The following PARD3B variants were observed in gnomAD, a reference collection of about 807,000 sequenced individuals.
PARD3B encodes the protein par-3 family cell polarity regulator beta, also known as partitioning defective 3 homolog B.
PARD3B carries 103 observed loss-of-function variants against 130.2 expected under a neutral mutation model. That is an observed-to-expected ratio of 0.79 (90% CI 0.67 to 0.93). The LOEUF is 0.93. Among genes scored for constraint, PARD3B ranks in the 40% least tolerant of loss-of-function variants. The pLI is 0.00. For missense variants in PARD3B, 1,609 were observed against 1,499.2 expected (o/e 1.07, Z -1.21); for synonymous variants, 583 against 553.2 (o/e 1.05, Z -0.76).
chr2:204,990,844 G>A (rs554383029), intron 3 of PARD3B, among the ~76,000 whole-genome samples: 1 of 152,040 alleles, frequency 6.6e-6, no homozygotes, highest in Non-Finnish European at 1.5e-5. Flanking sequence ...TCATAATTTT[G>A]TCTGTTTAAA....
At chr2:205,206,744 G>A (rs1028339768) in intron 15 of PARD3B, among the ~76,000 whole-genome samples, 14 of 152,150 alleles carry the variant, frequency 9.2e-5, no homozygotes, top group African/African-American at 3.1e-4. Flanking sequence ...TAATGGGATG[G>A]CTGGGTCAAA....
chr2:204,782,368 A>G (rs1417116429), intron 2 of PARD3B, among the ~76,000 whole-genome samples: 1 of 111,620 alleles, frequency 9.0e-6, no homozygotes, highest in Non-Finnish European at 1.9e-5. Flanking sequence ...TATAATATAT[A>G]CCATCACATA....
At chr2:205,124,263 A>G in intron 8 of PARD3B, 64 bp from the exon 9 acceptor site, 1 of 1,272,618 alleles carries the variant, frequency 7.9e-7, no homozygotes. Context: ...ATCTTACTGT[A>G]AGACTGAATA....
At chr2:205,587,872 C>T (rs2054253460) in intron 22 of PARD3B, among the ~76,000 whole-genome samples, 1 of 152,166 alleles carries the variant, frequency 6.6e-6, no homozygotes, top group Non-Finnish European at 1.5e-5. Context: ...GAGACAGCAA[C>T]AGATACTCTA....
chr2:205,572,340 AC>A lies in PARD3B; in HGVS notation c.3260+18938del, dbSNP rs746700292. 6.6e-6 allele frequency among the ~76,000 whole-genome samples: 1 copy of A among 152,224 alleles called. No homozygotes were observed. The highest frequency in any genetic ancestry group is 6.5e-5 in the Admixed American group (1 of 15,292). ...TAGCACTTTATACAACACGCTAGGG[AC>A]TTTGACTCTACCCAGAAGGCCTCAG... On this transcript the variant is annotated intron_variant, in intron 22 of 22. Transcript: ENST00000406610. This position sits in a 1 kb window ranked among gnomAD's most constrained non-coding sequence, Gnocchi z 4.2.
At chr2:204,884,173 C>G (rs914612395) in intron 2 of PARD3B, among the ~76,000 whole-genome samples, 1 of 152,128 alleles carries the variant, frequency 6.6e-6, no homozygotes, top group African/African-American at 2.4e-5. Flanking sequence ...CCTAGAAAAC[C>G]ATTGTAAATG....
At chr2:205,224,914 A>G (rs1403465110) in intron 15 of PARD3B, among the ~76,000 whole-genome samples, 1 of 152,012 alleles carries the variant, frequency 6.6e-6, no homozygotes, top group Non-Finnish European at 1.5e-5. Flanking sequence ...TTCCATAACC[A>G]TATTTTTTTC....
At chr2:204,867,261 C>T (rs2045462484) in intron 2 of PARD3B, among the ~76,000 whole-genome samples, 1 of 151,826 alleles carries the variant, frequency 6.6e-6, no homozygotes, top group African/African-American at 2.4e-5. Context: ...AGGCATAAAA[C>T]AAAACAAAAC....
intron 2 of PARD3B, among the ~76,000 whole-genome samples, chr2:204,805,973 T>C (rs931638438): frequency 1.3e-5 from 2 of 152,058 alleles, no homozygotes; most frequent in African/African-American, 4.8e-5. Context: ...GAAACATTGA[T>C]GTGAGAAATT....
chr2:204,926,331 C>T (rs1687615270), intron 2 of PARD3B, among the ~76,000 whole-genome samples: 1 of 152,036 alleles, frequency 6.6e-6, no homozygotes, highest in South Asian at 2.1e-4. Context: ...ATCTTAAAGT[C>T]CTTGACATCT....
chr2:204,730,589 A>AAG (rs1315922095), intron 2 of PARD3B, among the ~76,000 whole-genome samples: 1 of 151,840 alleles, frequency 6.6e-6, no homozygotes, highest in Non-Finnish European at 1.5e-5. Context: ...AAAAAAGAAA[A>AAG]AAAAAAAAAG....
chr2:204,996,811 A>G (rs965737504), intron 3 of PARD3B, among the ~76,000 whole-genome samples: 6 of 147,298 alleles, frequency 4.1e-5, no homozygotes, highest in Non-Finnish European at 9.0e-5. Flanking sequence ...CGGTCTGAAA[A>G]GCGCAATATT....
chr2:205,330,617 A>T (rs1422004392), intron 18 of PARD3B, among the ~76,000 whole-genome samples: 2 of 152,246 alleles, frequency 1.3e-5, no homozygotes, highest in African/African-American at 4.8e-5. Context: ...TTTTGGGGCT[A>T]CATTACAGCC....
rs1009100362 is a variant in PARD3B at position 205,125,176 on chromosome 2, A to T, written c.1306-433A>T. Among the ~76,000 whole-genome samples the T allele has an allele frequency of 6.6e-6, 1 of 152,200 alleles. No individual in the cohort carries two copies. The highest frequency in any genetic ancestry group is 1.5e-5 in the Non-Finnish European group (1 of 68,036). On this transcript the variant is annotated intron_variant, in intron 9 of 22. Coordinates refer to ENST00000406610, the MANE Select transcript of PARD3B (RefSeq NM_001302769.2). This position sits in a 1 kb window ranked among gnomAD's most constrained non-coding sequence, Gnocchi z 4.0. ...TAATCTATGATAATCTGGTGACTAT[A>T]ATTTTCTAAATATGTTTAAAACCTG...
In PARD3B at chr2:205,158,790, G is replaced by A. The variant is rs1201310168; in HGVS notation, c.1503G>A (p.Leu501=). 6.2e-7 allele frequency: 1 copy of A among 1,614,182 alleles called. No homozygotes were observed. The highest frequency in any genetic ancestry group is 1.7e-5 in the Admixed American group (1 of 60,024). ...TSEQLTFEIP[L]NDSGSAGLGV... is the part of the protein sequence containing the mutation. ...AGCAGCTCACCTTTGAGATCCCCCTGAATGATTCAGGTTCTGCTGGCCTCG... is the reference window on the plus strand; with the variant it reads ...AGCAGCTCACCTTTGAGATCCCCCTAAATGATTCAGGTTCTGCTGGCCTCG... Residue 501 remains leucine (L), a synonymous_variant, in exon 11 of 23, where the codon CTG becomes CTA. Coordinates refer to ENST00000406610, the MANE Select transcript of PARD3B (RefSeq NM_001302769.2). This position sits in a 1 kb window ranked among gnomAD's most constrained non-coding sequence, Gnocchi z 5.4.
intron 2 of PARD3B, among the ~76,000 whole-genome samples, chr2:204,920,218 T>C (rs1331375990): frequency 6.6e-6 from 1 of 152,210 alleles, no homozygotes; most frequent in Non-Finnish European, 1.5e-5. Context: ...GTTTGCTCTT[T>C]TGGGGTTAGT....
intron 2 of PARD3B, among the ~76,000 whole-genome samples, chr2:204,718,381 A>G (rs1201633583): frequency 6.6e-6 from 1 of 152,144 alleles, no homozygotes; most frequent in African/African-American, 2.4e-5. Flanking sequence ...CATGAATCTT[A>G]CAATCATGGC....
chr2:205,397,815 C>T lies in PARD3B; in HGVS notation c.2631-3198C>T, dbSNP rs990167537. Among the ~76,000 whole-genome samples the T allele has an allele frequency of 2.6e-5, 4 of 152,084 alleles. No homozygotes were observed. The highest frequency in any genetic ancestry group is 9.7e-5 in the African/African-American group (4 of 41,422). On this transcript the variant is annotated intron_variant, in intron 18 of 22. Coordinates refer to ENST00000406610, the MANE Select transcript of PARD3B (RefSeq NM_001302769.2). The surrounding 1 kb of genome is among the most constrained non-coding windows in gnomAD (Gnocchi z 4.8). Reference sequence around the variant, plus strand: ...CATTTTAAGCAAAAGTTATGTATCTCAAGTGATGTACTGAGCTATTAACTT... The same window carrying T: ...CATTTTAAGCAAAAGTTATGTATCTTAAGTGATGTACTGAGCTATTAACTT...
intron 5 of PARD3B, among the ~76,000 whole-genome samples, chr2:205,104,814 C>A (rs1356817731): frequency 1.3e-5 from 2 of 152,180 alleles, no homozygotes; most frequent in Non-Finnish European, 2.9e-5. Flanking sequence ...TTTCAGAGGT[C>A]ATTGTGGTGG....
Sources: gnomAD v4.1 joint callset for allele counts (sites outside exome capture counted in the v4.1 genomes callset) on GRCh38, gnomAD v4.1.1 for gene constraint, Gnocchi (gnomAD v3.1) non-coding constraint, MANE v1.5 for transcripts, NCBI Gene and HGNC (gene_info 2026-07-23, HGNC 2026-07-21) for gene names.